GABRB1: variants seen among roughly 807,000 people sequenced by gnomAD.
The protein encoded by GABRB1 is gamma-aminobutyric acid type A receptor subunit beta1, also known as gamma-aminobutyric acid receptor subunit beta-1.
Under a neutral mutation model 51.6 loss-of-function variants are expected in GABRB1, and 17 were observed. The observed-to-expected ratio is 0.33, with a 90% CI of 0.23 to 0.49. GABRB1 has a LOEUF of 0.49. GABRB1 is among the 20% of genes least tolerant of loss of function. The pLI, the probability that GABRB1 is intolerant of heterozygous loss-of-function variation, is 0.99. For missense variants in GABRB1, 410 were observed against 600.6 expected (o/e 0.68, Z 3.32); for synonymous variants, 247 against 218.9 (o/e 1.13, Z -1.14).
chr4:47,194,261 C>G (rs539716179), intron 4 of GABRB1, among the ~76,000 whole-genome samples: 1 of 152,276 alleles, frequency 6.6e-6, no homozygotes, highest in East Asian at 1.9e-4. Context: ...GACACATATT[C>G]CAAATTTGGA....
chr4:47,264,498 C>G (rs964295980), intron 4 of GABRB1, among the ~76,000 whole-genome samples: 3 of 152,352 alleles, frequency 2.0e-5, no homozygotes, highest in African/African-American at 7.2e-5. Flanking sequence ...AGGGGCACCC[C>G]AGGGTATGCC....
At chr4:47,097,604 A>G (rs1338681646) in intron 3 of GABRB1, among the ~76,000 whole-genome samples, 2 of 152,188 alleles carry the variant, frequency 1.3e-5, no homozygotes, top group African/African-American at 4.8e-5. Flanking sequence ...CAACCAGCAC[A>G]TAGAATTTTG....
intron 7 of GABRB1, among the ~76,000 whole-genome samples, chr4:47,404,529 A>AC (rs1560371478): frequency 7.5e-6 from 1 of 133,088 alleles, no homozygotes; most frequent in East Asian, 2.0e-4. Flanking sequence ...ACACACACAC[A>AC]TCATTTCTGG....
At chr4:47,332,979 C>G (rs1725540747) in intron 5 of GABRB1, among the ~76,000 whole-genome samples, 1 of 151,064 alleles carries the variant, frequency 6.6e-6, no homozygotes, top group Non-Finnish European at 1.5e-5. Context: ...GACCAATGGA[C>G]CCTGCCTTAC....
chr4:47,358,675 C>T (rs1403035469), intron 5 of GABRB1, among the ~76,000 whole-genome samples: 2 of 152,152 alleles, frequency 1.3e-5, no homozygotes, highest in Non-Finnish European at 2.9e-5. Flanking sequence ...TTAATTACCT[C>T]TGCAAAGACC....
At chr4:47,059,441 G>A (rs1217167554) in intron 3 of GABRB1, among the ~76,000 whole-genome samples, 1 of 151,986 alleles carries the variant, frequency 6.6e-6, no homozygotes, top group Non-Finnish European at 1.5e-5. Flanking sequence ...TGAGTAACTG[G>A]GACTACAGGC....
At chr4:47,298,779 A>G (rs916608898) in intron 4 of GABRB1, among the ~76,000 whole-genome samples, 9 of 152,232 alleles carry the variant, frequency 5.9e-5, no homozygotes, top group Non-Finnish European at 1.2e-4. Flanking sequence ...CTGCATTGCC[A>G]AGTCAATCCT....
chr4:47,197,852 A>G (rs1250856492), intron 4 of GABRB1, among the ~76,000 whole-genome samples: 1 of 152,112 alleles, frequency 6.6e-6, no homozygotes, highest in Admixed American at 6.5e-5. Context: ...CACCTGTGAC[A>G]TTTTCTATGC....
intron 4 of GABRB1, among the ~76,000 whole-genome samples, chr4:47,163,652 C>T (rs534205429): frequency 1.3e-5 from 2 of 152,014 alleles, no homozygotes; most frequent in East Asian, 3.9e-4. Context: ...ACAATATAGT[C>T]ATGTTACAAA....
chr4:47,067,544 G>A (rs1216347211), intron 3 of GABRB1, among the ~76,000 whole-genome samples: 1 of 152,016 alleles, frequency 6.6e-6, no homozygotes, highest in Non-Finnish European at 1.5e-5. Context: ...CTACATTAAT[G>A]CTTGCTGCTT....
intron 8 of GABRB1, among the ~76,000 whole-genome samples, chr4:47,407,593 A>G (rs1431951966): frequency 1.3e-5 from 2 of 152,192 alleles, no homozygotes; most frequent in African/African-American, 2.4e-5. Context: ...TCAATTTACC[A>G]TTATTAAGTA....
intron 3 of GABRB1, among the ~76,000 whole-genome samples, chr4:47,067,833 C>T (rs1727153762): frequency 6.6e-6 from 1 of 152,050 alleles, no homozygotes; most frequent in African/African-American, 2.4e-5. Context: ...CACCTAGGTA[C>T]TAAGCCCAGC....
At chr4:47,269,182 A>T (rs1426881862) in intron 4 of GABRB1, among the ~76,000 whole-genome samples, 1 of 152,220 alleles carries the variant, frequency 6.6e-6, no homozygotes, top group Non-Finnish European at 1.5e-5. Context: ...GCTTGCAAGA[A>T]GAATATACAG....
At chr4:47,393,191 G>T (rs1046268604) in intron 5 of GABRB1, among the ~76,000 whole-genome samples, 1 of 152,114 alleles carries the variant, frequency 6.6e-6, no homozygotes, top group East Asian at 1.9e-4. Flanking sequence ...TGTGGCAATC[G>T]GTCCCTTTGA....
intron 8 of GABRB1, among the ~76,000 whole-genome samples, chr4:47,408,647 G>T (rs186348085): frequency 3.3e-5 from 5 of 152,314 alleles, no homozygotes. Context: ...CATATGAGGT[G>T]ATTATAAAAT....
intron 3 of GABRB1, among the ~76,000 whole-genome samples, chr4:47,147,936 G>A (rs1043296123): frequency 1.3e-5 from 2 of 152,000 alleles, no homozygotes; most frequent in Non-Finnish European, 2.9e-5. Context: ...ATAACATTGA[G>A]GAGCTACAGC....
intron 3 of GABRB1, among the ~76,000 whole-genome samples, chr4:47,127,618 G>A (rs555968743): frequency 2.3e-4 from 35 of 151,414 alleles, no homozygotes; most frequent in South Asian, 4.2e-4. Context: ...ATGTTTTCTC[G>A]TTATTCTTTT....
At chr4:47,072,120 T>C (rs1480640541) in intron 3 of GABRB1, among the ~76,000 whole-genome samples, 1 of 152,078 alleles carries the variant, frequency 6.6e-6, no homozygotes, top group Non-Finnish European at 1.5e-5. Context: ...CATATTTTCC[T>C]GGCTTGAAAA....
intron 4 of GABRB1, among the ~76,000 whole-genome samples, chr4:47,186,372 T>A (rs1188822749): frequency 1.3e-5 from 2 of 151,752 alleles, no homozygotes; most frequent in Non-Finnish European, 2.9e-5. Flanking sequence ...CACAATAACA[T>A]CCCTATTTGT....
Sources: allele counts gnomAD v4.1 joint callset (sites outside exome capture counted in the v4.1 genomes callset), GRCh38; gene constraint gnomAD v4.1.1; transcripts MANE v1.5; gene names NCBI Gene and HGNC (gene_info 2026-07-23, HGNC 2026-07-21).